Variants in RBL1 observed in about 807,000 individuals in gnomAD.
RBL1 encodes retinoblastoma-like protein 1.
In RBL1, 82 loss-of-function variants were observed where a neutral mutation model predicts 123.0. The ratio of observed to expected loss-of-function variants is 0.67; its 90% confidence interval spans 0.56 to 0.80. The LOEUF is 0.80. Ranked by LOEUF, RBL1 falls within the 30% of genes least tolerant of loss-of-function variation. The pLI, the probability that RBL1 is intolerant of heterozygous loss-of-function variation, is 0.00. For synonymous variants in RBL1, 405 were observed against 441.3 expected (o/e 0.92, Z 1.03); for missense variants, 1,171 against 1,299.6 (o/e 0.90, Z 1.52).
At chr20:37,067,517 C>G (rs1485668839) in intron 3 of RBL1, among the ~76,000 whole-genome samples, 4 of 151,688 alleles carry the variant, frequency 2.6e-5, no homozygotes, top group Non-Finnish European at 5.9e-5. Flanking sequence ...GCCTGTAATC[C>G]CAGCACTCTG....
chr20:37,020,088 CT>C (rs34470853), intron 18 of RBL1, among the ~76,000 whole-genome samples: 328 of 135,834 alleles, frequency 2.4e-3, no homozygotes, highest in African/African-American at 6.3e-3. Flanking sequence ...TTATACATAA[CT>C]TTTTTTTTTT....
chr20:37,035,117 A>AT, intron 15 of RBL1, 125 bp downstream of exon 15: 1 of 634,970 alleles, frequency 1.6e-6, no homozygotes, highest in South Asian at 3.2e-5. Context: ...AAATCTATTT[A>AT]AAAAAAAAAA....
intron 16 of RBL1, among the ~76,000 whole-genome samples, chr20:37,024,509 C>T (rs2064390570): frequency 6.6e-6 from 1 of 152,204 alleles, no homozygotes; most frequent in Admixed American, 6.6e-5. Context: ...CTAACATTCA[C>T]AGTAAATTCT....
chr20:37,082,518 T>C (rs879750387), intron 2 of RBL1, among the ~76,000 whole-genome samples: 3 of 151,906 alleles, frequency 2.0e-5, no homozygotes, highest in Non-Finnish European at 4.4e-5. Context: ...TCTCTAGAGT[T>C]TACCCTCCAT....
At position 37,000,255 on chromosome 20, in the gene RBL1, G is replaced by C. The variant is rs530486947; in HGVS notation, c.3037-1326C>G. On this transcript the variant is annotated intron_variant, in intron 21 of 21. Transcript: ENST00000373664. ...GAGAAGTGAGGAGCCCCTCCGCCCG[G>C]CAGCCACTCCGTCTGGGAAGTGAGG... Among the ~76,000 whole-genome samples, 3 of 149,324 alleles carry C rather than the reference G, an allele frequency of 2.0e-5. No individual in the cohort carries two copies. In the South Asian group the frequency reaches 6.4e-4, roughly 32 times the overall value.
At chr20:37,055,790 T>C in intron 10 of RBL1, 134 bp from the exon 11 acceptor site, 1 of 911,594 alleles carries the variant, frequency 1.1e-6, no homozygotes, top group Non-Finnish European at 1.6e-6. Flanking sequence ...GGCTCACGCC[T>C]GTAATCCTAG....
At chr20:37,000,453 C>T (rs1467805465) in intron 21 of RBL1, among the ~76,000 whole-genome samples, 2,235 of 133,184 alleles carry the variant, frequency 0.017, 2 homozygotes, top group Non-Finnish European at 0.024. Context: ...GCTGCCCGTC[C>T]GGGAGGGAGG....
At chr20:37,047,878 G>A (rs2064842859) in intron 11 of RBL1, among the ~76,000 whole-genome samples, 1 of 152,104 alleles carries the variant, frequency 6.6e-6, no homozygotes, top group Non-Finnish European at 1.5e-5. Context: ...TACTCCGGAG[G>A]CTGAGGCAGT....
At chr20:37,039,572 C>T (rs2064686680) in intron 14 of RBL1, among the ~76,000 whole-genome samples, 1 of 152,148 alleles carries the variant, frequency 6.6e-6, no homozygotes, top group African/African-American at 2.4e-5. Flanking sequence ...GTAAGATGTG[C>T]CTTTGCTCTT....
intron 14 of RBL1, among the ~76,000 whole-genome samples, chr20:37,036,989 C>A (rs2064625765): frequency 6.6e-6 from 1 of 152,144 alleles, no homozygotes; most frequent in African/African-American, 2.4e-5. Context: ...GATTTAGAAG[C>A]TCTCTGTATT....
At position 37,067,274 on chromosome 20, in the gene RBL1, T is replaced by A. The variant is rs2065194176; in HGVS notation, c.515A>T (p.Asp172Val). 1.2e-6 allele frequency: 2 copies of A among 1,605,012 alleles called. No individual in the cohort carries two copies. Among genetic ancestry groups the A allele is most frequent in the Non-Finnish European group, 1.7e-6 (2 of 1,177,592 alleles). ...KQRRIPCSVK[D>V]LFNFCWTLFV... Reference sequence around the variant, plus strand: ...AAGTGTCCAACAGAAATTAAACAGATCCTTAACACTGCAAGGAATCCTCCT... The same window carrying A: ...AAGTGTCCAACAGAAATTAAACAGAACCTTAACACTGCAAGGAATCCTCCT... The change falls in exon 4 of 22, where the codon GAT becomes GTT. Residue 172 changes from aspartate to valine, a missense_variant. By Grantham distance (152) the Asp-to-Val change is radical (BLOSUM62 -3). Coordinates refer to ENST00000373664, the MANE Select transcript of RBL1 (RefSeq NM_002895.5).
At chr20:37,092,740 C>G (rs1413016055) in intron 1 of RBL1, among the ~76,000 whole-genome samples, 1 of 152,164 alleles carries the variant, frequency 6.6e-6, no homozygotes, top group Non-Finnish European at 1.5e-5. Flanking sequence ...GATCCTCCTG[C>G]CTCAGCCTCC....
chr20:37,011,488 G>A (rs1288071473), intron 19 of RBL1, among the ~76,000 whole-genome samples: 2 of 145,736 alleles, frequency 1.4e-5, no homozygotes, highest in Non-Finnish European at 3.0e-5. Flanking sequence ...AGGCTGGAGT[G>A]CAGTGGCACA....
chr20:36,999,081 A>G lies in RBL1; in HGVS notation c.3037-152T>C, dbSNP rs536207493. 3 of 709,266 alleles carry G rather than the reference A, an allele frequency of 4.2e-6. No homozygotes were observed. The South Asian group carries it at 6.4e-5, about 15-fold the overall frequency. The allele number at this position is 709,266 out of a possible 1,614,324, so 43.9% of individuals were successfully genotyped here. A position where few individuals can be genotyped will look rare whatever the true frequency, so the allele number is the denominator to read the frequency against. ...TTTTTAAAACTTAGAACAACCTAAT[A>G]AGGGATGGCTTGAACTAATCTTTTC... is the stretch of plus-strand genomic sequence containing the variant. On this transcript the variant is annotated intron_variant, in intron 21 of 21. Transcript: ENST00000373664.
intron 14 of RBL1, among the ~76,000 whole-genome samples, chr20:37,036,019 AGAT>A (rs2064605486): frequency 6.6e-6 from 1 of 152,202 alleles, no homozygotes; most frequent in African/African-American, 2.4e-5. Context: ...ATATGAGTAA[AGAT>A]GATATAAATC....
intron 6 of RBL1, among the ~76,000 whole-genome samples, chr20:37,066,213 T>C (rs752408612): frequency 2.2e-4 from 34 of 152,176 alleles, no homozygotes; most frequent in Non-Finnish European, 4.6e-4. Flanking sequence ...TTCATAAATG[T>C]AGAAATAGCT....
chr20:37,066,723 C>A lies in RBL1; in HGVS notation c.846+1G>T. On this transcript the variant is annotated splice_donor_variant, in intron 6 of 21. Transcript: ENST00000373664. LOFTEE classifies it high-confidence loss of function. ...CAGTCATCTAATTATAAGTACAGTA[C>A]CTTCCTGTCAAAGAGTTTTGAAATA... 9 of 1,610,024 alleles carry A rather than the reference C, an allele frequency of 5.6e-6. No individual in the cohort carries two copies. The highest frequency in any genetic ancestry group is 2.2e-5 in the South Asian group (2 of 90,682).
Position 37,035,418 on chromosome 20 carries a change from G to C in RBL1, c.1994C>G (p.Pro665Arg), listed in dbSNP as rs2064592996. The C allele has an allele frequency of 6.2e-7, 1 of 1,613,904 alleles. No individual in the cohort carries two copies. Among genetic ancestry groups the C allele is most frequent in the African/African-American group, 1.3e-5 (1 of 74,864 alleles). The change falls in exon 15 of 22, where the codon CCC (proline) becomes CGC (arginine). Residue 665 changes from proline (P) to arginine (R), a missense_variant. Transcript: ENST00000373664. ...SAKRRLFGED[P>R]PKEMLMDKII... ...CTTGTCCATAAGCATTTCCTTTGGG[G>C]GGTCCTCTCCAAAGAGTCTTCTCTT...
At chr20:37,023,714 T>A (rs1172983210) in intron 16 of RBL1, among the ~76,000 whole-genome samples, 2 of 152,186 alleles carry the variant, frequency 1.3e-5, no homozygotes, top group Non-Finnish European at 2.9e-5. Context: ...AAGATTGTTT[T>A]TTTATTTTAA....
Sources: allele counts gnomAD v4.1 joint callset (sites outside exome capture counted in the v4.1 genomes callset), GRCh38; gene constraint gnomAD v4.1.1; transcripts MANE v1.5; gene names NCBI Gene and HGNC (gene_info 2026-07-23, HGNC 2026-07-21).